The following NPAS3 variants were observed in gnomAD, a reference collection of about 807,000 sequenced individuals.
NPAS3 encodes neuronal PAS domain-containing protein 3.
In NPAS3, 14 loss-of-function variants were observed where a neutral mutation model predicts 73.1. The ratio of observed to expected loss-of-function variants is 0.19; its 90% confidence interval spans 0.13 to 0.30. NPAS3 has a LOEUF of 0.30. Among genes scored for constraint, NPAS3 ranks in the 10% least tolerant of loss-of-function variants. The probability of loss-of-function intolerance (pLI) is 1.00; values close to 1 mark genes in which losing one functional copy is unlikely to be tolerated. For synonymous variants in NPAS3, 620 were observed against 541.5 expected (o/e 1.14, Z -2.01); for missense variants, 1,096 against 1,250.0 (o/e 0.88, Z 1.86).
At chr14:33,146,052 T>C (rs1411725392) in intron 2 of NPAS3, among the ~76,000 whole-genome samples, 1 of 152,204 alleles carries the variant, frequency 6.6e-6, no homozygotes, top group Non-Finnish European at 1.5e-5. Context: ...GAAGCTGCTA[T>C]GTCCTTGTTA....
chr14:33,000,984 C>T (rs1035427876), intron 1 of NPAS3, among the ~76,000 whole-genome samples: 9 of 152,194 alleles, frequency 5.9e-5, no homozygotes, highest in Admixed American at 6.5e-5. Context: ...TTAGGACATA[C>T]GTTTCTTTTG....
intron 1 of NPAS3, among the ~76,000 whole-genome samples, chr14:33,012,374 A>G (rs1337059541): frequency 2.0e-5 from 3 of 152,186 alleles, no homozygotes; most frequent in East Asian, 1.9e-4. Context: ...GAAGGCATGT[A>G]TTGGTGGATG....
intron 4 of NPAS3, among the ~76,000 whole-genome samples, chr14:33,415,919 TA>T (rs936992382): frequency 1.3e-5 from 2 of 152,134 alleles, no homozygotes; most frequent in African/African-American, 4.8e-5. Flanking sequence ...TGTTGTTACC[TA>T]TAGTTAAGAT....
intron 5 of NPAS3, among the ~76,000 whole-genome samples, chr14:33,600,939 G>C (rs556461971): frequency 6.6e-6 from 1 of 152,152 alleles, no homozygotes; most frequent in Non-Finnish European, 1.5e-5. Context: ...GGAGAGGTGA[G>C]GCCATGAGCA....
chr14:33,077,981 T>TA (rs2041726097), intron 2 of NPAS3, among the ~76,000 whole-genome samples: 1 of 151,322 alleles, frequency 6.6e-6, no homozygotes, highest in African/African-American at 2.4e-5. Context: ...CTACTAAAAA[T>TA]ACGAAAAATT....
At chr14:33,803,225 C>G (rs137989870), downstream of NPAS3, 1 of 152,250 alleles carries the variant, frequency 6.6e-6, no homozygotes, top group East Asian at 1.9e-4. Flanking sequence ...ACAGAAAATT[C>G]TTTCAAAGGT....
intron 2 of NPAS3, among the ~76,000 whole-genome samples, chr14:33,091,341 A>G (rs1278621390): frequency 2.0e-5 from 3 of 152,224 alleles, no homozygotes; most frequent in Admixed American, 1.3e-4. Context: ...ACAAACTACC[A>G]TGAGAGAATA....
chr14:33,098,078 G>A (rs1186702222), intron 2 of NPAS3, among the ~76,000 whole-genome samples: 1 of 152,090 alleles, frequency 6.6e-6, no homozygotes, highest in Non-Finnish European at 1.5e-5. Context: ...GTCTACTGTA[G>A]CATCATGAAG....
Position 33,348,672 on chromosome 14 carries a change from G to A in NPAS3, c.386-18514G>A, listed in dbSNP as rs553499506. Among the ~76,000 whole-genome samples, 14 of 152,210 alleles carry A rather than the reference G, an allele frequency of 9.2e-5. No homozygotes were observed. The South Asian group carries it at 2.1e-3, about 23-fold the overall frequency. On this transcript the variant is annotated intron_variant, in intron 3 of 11. Coordinates refer to ENST00000356141, the Ensembl canonical transcript of NPAS3. The stretch of plus-strand genomic sequence containing the variant: ...CTACTACAAAAGCTCCTTTGTTCAC[G>A]TAGTAGTTCCAGTGTTTCCAGCCAT...
chr14:33,509,212 C>T (rs6571602), intron 4 of NPAS3, among the ~76,000 whole-genome samples: 150,573 of 152,120 alleles, frequency 0.99, 74,523 homozygotes, highest in Middle Eastern at 1. Context: ...TCATATTACA[C>T]TGATGACTCC....
chr14:33,645,680 C>G (rs1238713915), intron 5 of NPAS3, among the ~76,000 whole-genome samples: 2 of 152,220 alleles, frequency 1.3e-5, no homozygotes, highest in Non-Finnish European at 2.9e-5. Flanking sequence ...AATGGAGCTG[C>G]CACTTGACCG....
At chr14:33,606,333 T>C (rs2057564575) in intron 5 of NPAS3, among the ~76,000 whole-genome samples, 2 of 151,330 alleles carry the variant, frequency 1.3e-5, no homozygotes, top group South Asian at 4.2e-4. Context: ...GTTTGGTTTT[T>C]TGTTCTTGCG....
At chr14:33,405,702 A>G (rs1294067652) in intron 4 of NPAS3, among the ~76,000 whole-genome samples, 1 of 152,156 alleles carries the variant, frequency 6.6e-6, no homozygotes, top group East Asian at 1.9e-4. Context: ...TATCTATAGG[A>G]ACATAAAATT....
At chr14:33,675,592 CA>C (rs1567116151) in intron 5 of NPAS3, among the ~76,000 whole-genome samples, 1 of 152,204 alleles carries the variant, frequency 6.6e-6, no homozygotes, top group Non-Finnish European at 1.5e-5. Flanking sequence ...CTTCAGACCC[CA>C]GCTGACCTCT....
intron 3 of NPAS3, among the ~76,000 whole-genome samples, chr14:33,332,909 C>T (rs2044050047): frequency 6.6e-6 from 1 of 152,180 alleles, no homozygotes; most frequent in Non-Finnish European, 1.5e-5. Context: ...CATTTCATTG[C>T]TTTCCCTAAC....
chr14:33,110,120 A>T (rs2042844919), intron 2 of NPAS3, among the ~76,000 whole-genome samples: 1 of 152,124 alleles, frequency 6.6e-6, no homozygotes, highest in African/African-American at 2.4e-5. Context: ...AGTTTAACAG[A>T]AATGATTTTA....
At chr14:33,172,964 C>T (rs912186109) in intron 2 of NPAS3, among the ~76,000 whole-genome samples, 3 of 151,874 alleles carry the variant, frequency 2.0e-5, no homozygotes, top group Admixed American at 6.6e-5. Context: ...CTTTATTTTC[C>T]TAACAGATAG....
chr14:33,766,680 A>G (rs1314801540), intron 7 of NPAS3, among the ~76,000 whole-genome samples: 1 of 152,174 alleles, frequency 6.6e-6, no homozygotes, highest in Non-Finnish European at 1.5e-5. Flanking sequence ...CTGATCTTAC[A>G]AGAATTTGGT....
At chr14:33,499,841 C>T (rs1180915370) in intron 4 of NPAS3, among the ~76,000 whole-genome samples, 4 of 151,902 alleles carry the variant, frequency 2.6e-5, no homozygotes, top group Non-Finnish European at 5.9e-5. Flanking sequence ...CCCGCTATTT[C>T]CAACTGTTTA....
Sources: gnomAD v4.1 joint callset for allele counts (sites outside exome capture counted in the v4.1 genomes callset) on GRCh38, gnomAD v4.1.1 for gene constraint, MANE v1.5 for transcripts, NCBI Gene and HGNC (gene_info 2026-07-23, HGNC 2026-07-21) for gene names.